NMNAT1: variants seen among roughly 807,000 people sequenced by gnomAD.
NMNAT1 encodes nicotinamide/nicotinic acid mononucleotide adenylyltransferase 1.
Under a neutral mutation model 16.7 loss-of-function variants are expected in NMNAT1, and 11 were observed. That is an observed-to-expected ratio of 0.66 (90% CI 0.41 to 1.09). The LOEUF is 1.09. Ranked by LOEUF, NMNAT1 falls within the 50% of genes least tolerant of loss-of-function variation. NMNAT1 has a pLI of 0.00. For synonymous variants in NMNAT1, 110 were observed against 119.8 expected (o/e 0.92, Z 0.53); for missense variants, 280 against 332.3 (o/e 0.84, Z 1.22).
intron 1 of NMNAT1, among the ~76,000 whole-genome samples, chr1:9,964,486 C>T (rs1414760151): frequency 6.6e-6 from 1 of 151,602 alleles, no homozygotes; most frequent in African/African-American, 2.4e-5. Context: ...TGCAGTGAGC[C>T]ATGTTCAAGC....
chr1:9,948,556 A>G (rs1423135418), intron 1 of NMNAT1, among the ~76,000 whole-genome samples: 4 of 152,226 alleles, frequency 2.6e-5, no homozygotes, highest in Non-Finnish European at 5.9e-5. Context: ...CCTGGGTGAT[A>G]GAGCGAGACC....
rs144646358 is a variant in NMNAT1, at chr1:9,970,259, C to T, written c.-56-1759C>T. Among the ~76,000 whole-genome samples, 5 of 152,138 alleles carry T rather than the reference C, an allele frequency of 3.3e-5. No individual in the cohort carries two copies. In the East Asian group the frequency reaches 9.6e-4, roughly 29 times the overall value. ...ACATAATGTAGAGTTATGGTAGAAA[C>T]TACCAGAAGAAATAGCTGAAAAAGT... On this transcript the variant is annotated intron_variant, in intron 1 of 4. Transcript: ENST00000377205.
Position 9,984,928 on chromosome 1 carries a change from T to C in NMNAT1, c.*2227T>C, listed in dbSNP as rs1215549908. The stretch of plus-strand genomic sequence containing the variant: ...AAAGAATGCTTTTTTTTGGCCATCA[T>C]GAGGATCTAACAACAGAGTAGAAGG... On this transcript the variant is annotated 3_prime_UTR_variant, in exon 5 of 5. Transcript: ENST00000377205. 6.6e-6 allele frequency: 1 copy of C among 152,126 alleles called. No homozygotes were observed. The highest frequency in any genetic ancestry group is 6.6e-5 in the Admixed American group (1 of 15,240). 9.4% of individuals were successfully genotyped at this position (152,126 alleles called of 1,614,324 possible).
At position 9,957,338 on chromosome 1, in the gene NMNAT1, A is replaced by AT. The variant is rs139716809; in HGVS notation, c.-57+13833dup. Among the ~76,000 whole-genome samples the AT allele has an allele frequency of 1.6e-3, 192 of 117,300 alleles. 1 individual carries two copies. The Middle Eastern group carries it at 0.021, about 13-fold the overall frequency. 77.0% of individuals were successfully genotyped at this position (117,300 alleles called of 152,430 possible). A position where few individuals can be genotyped will look rare whatever the true frequency, so the allele number is the denominator to read the frequency against. On this transcript the variant is annotated intron_variant, in intron 1 of 4. Coordinates refer to ENST00000377205, the MANE Select transcript of NMNAT1 (RefSeq NM_022787.4). ...GCCACCGTGCCCAGTCTTGTTTACCATTTTTTTTTTGAGACGCAGTCTCAC... is the reference window on the plus strand; with the variant it reads ...GCCACCGTGCCCAGTCTTGTTTACCATTTTTTTTTTTGAGACGCAGTCTCAC...
In NMNAT1 at chr1:9,965,912, T is replaced by C. The variant is rs547951144; in HGVS notation, c.-56-6106T>C. Among the ~76,000 whole-genome samples, 13 of 151,832 alleles carry C rather than the reference T, an allele frequency of 8.6e-5. No homozygotes were observed. The South Asian group carries it at 2.5e-3, about 29-fold the overall frequency. On this transcript the variant is annotated intron_variant, in intron 1 of 4. Coordinates refer to ENST00000377205, the MANE Select transcript of NMNAT1 (RefSeq NM_022787.4). ...CTGAGGCAGGAAGATCATTTGAGCC[T>C]AGGAGGCAGAGGCTGCAGTGACCTG... is the stretch of plus-strand genomic sequence containing the variant.
intron 3 of NMNAT1, among the ~76,000 whole-genome samples, chr1:9,976,327 A>C (rs142970799): frequency 6.6e-6 from 1 of 151,798 alleles, no homozygotes; most frequent in African/African-American, 2.4e-5. Flanking sequence ...GCTTGCTACT[A>C]TGTGATACCA....
At chr1:9,954,872 A>G (rs1641215113) in intron 1 of NMNAT1, among the ~76,000 whole-genome samples, 1 of 150,448 alleles carries the variant, frequency 6.6e-6, no homozygotes, top group South Asian at 2.1e-4. Context: ...CGGAGGTTGC[A>G]GTGAGCCGAG....
chr1:9,964,034 G>C (rs1641486216), intron 1 of NMNAT1, among the ~76,000 whole-genome samples: 1 of 151,754 alleles, frequency 6.6e-6, no homozygotes, highest in Non-Finnish European at 1.5e-5. Flanking sequence ...TGGGATTACA[G>C]GCACCAGCCA....
intron 1 of NMNAT1, among the ~76,000 whole-genome samples, chr1:9,966,246 C>G (rs988614044): frequency 1.3e-5 from 2 of 152,082 alleles, no homozygotes; most frequent in Non-Finnish European, 1.5e-5. Context: ...CTGCAGTGAG[C>G]TGAGATCGTG....
chr1:9,964,139 A>C (rs1351900436), intron 1 of NMNAT1, among the ~76,000 whole-genome samples: 1 of 151,580 alleles, frequency 6.6e-6, no homozygotes, highest in Non-Finnish European at 1.5e-5. Flanking sequence ...TGACCCACCT[A>C]CCTCGGCCTC....
Position 9,982,571 on chromosome 1 carries a change from G to A in NMNAT1, c.710G>A (p.Arg237His), listed in dbSNP as rs368062092. ...RRALRRGQSI[R>H]YLVPDLVQEY... is the part of the protein sequence containing the mutation. ...GCCCTCAGAAGGGGCCAGAGCATTC[G>A]CTACTTGGTACCAGATCTTGTCCAA... Residue 237 changes from arginine (R) to histidine (H), a missense_variant, in exon 5 of 5, where the codon CGC becomes CAC. Coordinates refer to ENST00000377205, the MANE Select transcript of NMNAT1 (RefSeq NM_022787.4). 9.3e-6 allele frequency: 15 copies of A among 1,613,992 alleles called. No homozygotes were observed. In the East Asian group the frequency reaches 2.9e-4, roughly 31 times the overall value.
chr1:9,951,570 G>C (rs1186936500), intron 1 of NMNAT1, among the ~76,000 whole-genome samples: 4 of 152,098 alleles, frequency 2.6e-5, no homozygotes, highest in Non-Finnish European at 5.9e-5. Context: ...GACTTCCTGG[G>C]TTCACGGGAT....
chr1:9,989,630 C>T (rs1188379676), downstream of NMNAT1, among the ~76,000 whole-genome samples: 1 of 152,124 alleles, frequency 6.6e-6, no homozygotes, highest in Admixed American at 6.6e-5. Flanking sequence ...TACCTTCTTG[C>T]TCCATCCTCC....
intron 1 of NMNAT1, among the ~76,000 whole-genome samples, chr1:9,954,263 T>C (rs575467356): frequency 5.9e-5 from 9 of 152,256 alleles, no homozygotes; most frequent in Non-Finnish European, 1.5e-5. Flanking sequence ...TCACCCAGGC[T>C]GGAGTGCAAT....
chr1:9,982,052 G>A (rs546809209), intron 4 of NMNAT1, among the ~76,000 whole-genome samples: 8 of 152,028 alleles, frequency 5.3e-5, no homozygotes, highest in East Asian at 1.9e-4. Flanking sequence ...TAGTAGAAAC[G>A]GTATTTCACC....
intron 1 of NMNAT1, among the ~76,000 whole-genome samples, chr1:9,945,960 C>T (rs986056869): frequency 6.6e-6 from 1 of 152,030 alleles, no homozygotes; most frequent in African/African-American, 2.4e-5. Flanking sequence ...TGTCATGTTG[C>T]CCAGGCTGGT....
intron 1 of NMNAT1, among the ~76,000 whole-genome samples, chr1:9,959,797 ATAACTT>A (rs1641361169): frequency 6.6e-6 from 1 of 152,212 alleles, no homozygotes; most frequent in African/African-American, 2.4e-5. Flanking sequence ...TTAGCACTGA[ATAACTT>A]TAGGGGATTC....
At chr1:9,981,856 G>A (rs1418254214) in intron 4 of NMNAT1, 3 of 155,696 alleles carry the variant, frequency 1.9e-5, no homozygotes, top group Admixed American at 6.4e-5. Context: ...TAAAAACTGT[G>A]AACTGTCATT....
chr1:9,966,338 C>T (rs1005606395), intron 1 of NMNAT1, among the ~76,000 whole-genome samples: 2 of 151,682 alleles, frequency 1.3e-5, no homozygotes, highest in African/African-American at 2.4e-5. Flanking sequence ...ATTGACCGGG[C>T]GCGGTGGCTC....
Sources: gnomAD v4.1 joint callset for allele counts (sites outside exome capture counted in the v4.1 genomes callset) on GRCh38, gnomAD v4.1.1 for gene constraint, MANE v1.5 for transcripts, NCBI Gene and HGNC (gene_info 2026-07-23, HGNC 2026-07-21) for gene names.